The following TRIM37 variants were observed in gnomAD, a reference collection of about 807,000 sequenced individuals.
TRIM37 encodes the protein tripartite motif containing 37.
Under a neutral mutation model 129.8 loss-of-function variants are expected in TRIM37, and 80 were observed. The ratio of observed to expected loss-of-function variants is 0.62; its 90% confidence interval spans 0.51 to 0.74. The LOEUF (loss-of-function observed/expected upper bound fraction) is 0.74, where lower values mean the gene tolerates loss of function less well. Among genes scored for constraint, TRIM37 ranks in the 30% least tolerant of loss-of-function variants. The probability of loss-of-function intolerance (pLI) is 0.00; values close to 1 mark genes in which losing one functional copy is unlikely to be tolerated. For missense variants in TRIM37, 1,054 were observed against 1,176.5 expected, an observed-to-expected ratio of 0.90 and a Z score of 1.52; for synonymous variants, 389 against 387.1, an observed-to-expected ratio of 1.00 and a Z score of -0.06.
intron 2 of TRIM37, 107 bp from the exon 3 acceptor site, chr17:59,091,447 T>C (rs1275145338): frequency 4.9e-6 from 1 of 205,900 alleles, no homozygotes; most frequent in Non-Finnish European, 9.6e-6. Context: ...TCTTAATATA[T>C]ATAATATATA....
chr17:58,979,119 G>A (rs1199949528), downstream of TRIM37, among the ~76,000 whole-genome samples: 1 of 152,214 alleles, frequency 6.6e-6, no homozygotes, highest in Non-Finnish European at 1.5e-5. Context: ...AAAAGGAAGA[G>A]AGAAAGGCCC....
chr17:59,031,313 T>C (rs913461062), intron 18 of TRIM37, among the ~76,000 whole-genome samples: 2 of 152,240 alleles, frequency 1.3e-5, no homozygotes, highest in African/African-American at 4.8e-5. Flanking sequence ...CAAAAATGGT[T>C]TTTAAAATGT....
chr17:59,026,909 C>T (rs1338050791), intron 19 of TRIM37, among the ~76,000 whole-genome samples: 1 of 152,164 alleles, frequency 6.6e-6, no homozygotes, highest in African/African-American at 2.4e-5. Flanking sequence ...GATATTATCC[C>T]TTCTAGTTTT....
At chr17:59,092,251 G>T (rs1438643054) in intron 2 of TRIM37, among the ~76,000 whole-genome samples, 1 of 151,908 alleles carries the variant, frequency 6.6e-6, no homozygotes, top group Non-Finnish European at 1.5e-5. Flanking sequence ...AAATTAGCCA[G>T]GCATGGTGAT....
chr17:58,980,294 G>C (rs1316625031), downstream of TRIM37: 2 of 1,614,168 alleles, frequency 1.2e-6, no homozygotes, highest in South Asian at 1.1e-5. The surrounding 1 kb of genome is among the most constrained non-coding windows in gnomAD (Gnocchi z 4.7). Context: ...TTTTCAAGGA[G>C]GGCAAGAAGA....
chr17:58,969,647 T>C, the TRIM37 span: 1 of 1,614,136 alleles, frequency 6.2e-7, no homozygotes, highest in East Asian at 2.2e-5. Context: ...CCAGGAGATG[T>C]TCCCCCATGA....
chr17:59,092,562 C>T (rs576077623), intron 2 of TRIM37, among the ~76,000 whole-genome samples: 2 of 151,732 alleles, frequency 1.3e-5, no homozygotes, highest in South Asian at 4.2e-4. Flanking sequence ...AATGTTATAC[C>T]ACATATAAAG....
chr17:59,106,069 AAGG>A (rs1309329499), intron 1 of TRIM37, among the ~76,000 whole-genome samples: 2 of 152,200 alleles, frequency 1.3e-5, no homozygotes, highest in African/African-American at 4.8e-5. Flanking sequence ...ATCCATTTGG[AAGG>A]AGATTTAGAT....
At chr17:59,059,392 T>C (rs970620588) in intron 12 of TRIM37, 3 of 152,214 alleles carry the variant, frequency 2.0e-5, no homozygotes, top group African/African-American at 7.3e-5. Context: ...AATAAATAAA[T>C]TGAGACAGGG....
intron 5 of TRIM37, 39 bp downstream of exon 5, chr17:59,083,963 C>T (rs920121141): frequency 5.9e-6 from 9 of 1,522,816 alleles, no homozygotes; most frequent in Middle Eastern, 1.7e-4. Context: ...TGCCTTCTAG[C>T]CTCTAACTTA....
intron 17 of TRIM37, among the ~76,000 whole-genome samples, chr17:59,037,650 G>C (rs1231952159): frequency 6.9e-6 from 1 of 144,534 alleles, no homozygotes; most frequent in Middle Eastern, 4.4e-3. Context: ...TAAAAATACA[G>C]AGAGTTCCTG....
intron 12 of TRIM37, 112 bp from the exon 13 acceptor site, chr17:59,057,166 TA>T: frequency 1.2e-6 from 1 of 848,140 alleles, no homozygotes; most frequent in Non-Finnish European, 1.9e-6. Flanking sequence ...ACCTTATTGA[TA>T]TACGCAGTTA....
chr17:58,994,710 GA>G (rs2032798539), downstream of TRIM37, among the ~76,000 whole-genome samples: 1 of 152,028 alleles, frequency 6.6e-6, no homozygotes, highest in Admixed American at 6.5e-5. Context: ...ATCCCTCACA[GA>G]TGCTAAGGAA....
At chr17:58,982,490 G>T, downstream of TRIM37, 1 of 163,194 alleles carries the variant, frequency 6.1e-6, no homozygotes, top group Non-Finnish European at 1.3e-5. Flanking sequence ...GCTAAGAAGT[G>T]TCCCCCGCCT....
At chr17:59,096,367 C>A (rs1228693861) in intron 2 of TRIM37, among the ~76,000 whole-genome samples, 1 of 151,584 alleles carries the variant, frequency 6.6e-6, no homozygotes, top group Non-Finnish European at 1.5e-5. Flanking sequence ...GCCTGGCCAA[C>A]ATGGTGAAAC....
chr17:58,988,472 A>G (rs1345786400), intron 24 of TRIM37, among the ~76,000 whole-genome samples: 1 of 152,128 alleles, frequency 6.6e-6, no homozygotes, highest in Non-Finnish European at 1.5e-5. Context: ...AGAAGGGACT[A>G]TGGAAGAAAA....
downstream of TRIM37, among the ~76,000 whole-genome samples, chr17:58,995,956 A>C (rs1162509998): frequency 6.6e-6 from 1 of 152,112 alleles, no homozygotes; most frequent in Non-Finnish European, 1.5e-5. Context: ...GTATGAGCCA[A>C]CATCGCACCA....
intron 16 of TRIM37, among the ~76,000 whole-genome samples, chr17:59,043,152 A>C (rs1275896077): frequency 6.6e-6 from 1 of 152,224 alleles, no homozygotes; most frequent in African/African-American, 2.4e-5. Context: ...GTTAAAAAAC[A>C]ATCACTATTA....
intron 1 of TRIM37, among the ~76,000 whole-genome samples, chr17:59,104,706 T>C (rs1221757074): frequency 6.6e-6 from 1 of 152,108 alleles, no homozygotes; most frequent in Non-Finnish European, 1.5e-5. Context: ...TGTCCAAATA[T>C]TAAGTAAATT....
Sources: allele counts gnomAD v4.1 joint callset (sites outside exome capture counted in the v4.1 genomes callset), GRCh38; gene constraint gnomAD v4.1.1; non-coding constraint Gnocchi (gnomAD v3.1); transcripts MANE v1.5; gene names NCBI Gene and HGNC (gene_info 2026-07-23, HGNC 2026-07-21).